LRRC7: variants seen among roughly 807,000 people sequenced by gnomAD.
LRRC7 encodes the protein leucine rich repeat containing 7, also known as leucine-rich repeat-containing protein 7.
In LRRC7, 23 loss-of-function variants were observed where a neutral mutation model predicts 175.7. The ratio of observed to expected loss-of-function variants is 0.13; its 90% CI spans 0.09 to 0.19. The LOEUF (loss-of-function observed/expected upper bound fraction) is 0.19. Among genes scored for constraint, LRRC7 ranks in the 10% least tolerant of loss-of-function variants. The pLI, the probability that LRRC7 is intolerant of heterozygous loss-of-function variation, is 1.00. For synonymous variants in LRRC7, 685 were observed against 680.9 expected (o/e 1.01, Z -0.09); for missense variants, 1,354 against 1,904.7 (o/e 0.71, Z 5.38).
intron 3 of LRRC7, among the ~76,000 whole-genome samples, chr1:69,771,966 C>CA: frequency 1.3e-5 from 2 of 151,824 alleles, no homozygotes; most frequent in Middle Eastern, 6.8e-3. Flanking sequence ...CCTAAAAATA[C>CA]AAAAAATTAG....
chr1:69,748,267 A>T (rs1292897114), intron 2 of LRRC7, among the ~76,000 whole-genome samples: 1 of 152,170 alleles, frequency 6.6e-6, no homozygotes, highest in Admixed American at 6.6e-5. Context: ...ATAAAACAGC[A>T]TGAAATAACA....
At chr1:69,862,827 C>G (rs1458103102) in intron 7 of LRRC7, among the ~76,000 whole-genome samples, 1 of 151,790 alleles carries the variant, frequency 6.6e-6, no homozygotes, top group African/African-American at 2.4e-5. Flanking sequence ...CTCCCTTAGA[C>G]CCCCCACCCC....
chr1:70,037,961 TATG>T, intron 20 of LRRC7, 149 bp from the exon 21 acceptor site: 1 of 1,098,074 alleles, frequency 9.1e-7, no homozygotes. Flanking sequence ...ATTTTTAAAA[TATG>T]AAATAATAAT....
intron 4 of LRRC7, among the ~76,000 whole-genome samples, chr1:69,822,402 T>C (rs1679400320): frequency 6.6e-6 from 1 of 152,184 alleles, no homozygotes. Context: ...GAATCAGTTA[T>C]GGTGGTCCAC....
At chr1:69,623,256 A>G (rs536825651) in intron 1 of LRRC7, among the ~76,000 whole-genome samples, 1 of 152,186 alleles carries the variant, frequency 6.6e-6, no homozygotes, top group Non-Finnish European at 1.5e-5. Context: ...ATTGACTTAA[A>G]TCAATACCTT....
chr1:69,635,009 G>A (rs537025016), intron 1 of LRRC7, among the ~76,000 whole-genome samples: 16 of 152,136 alleles, frequency 1.1e-4, no homozygotes, highest in African/African-American at 2.2e-4. Flanking sequence ...GTTGTGTTAC[G>A]GGGGTTTGTT....
chr1:70,021,165 C>G, intron 16 of LRRC7, 36 bp downstream of exon 16: 9 of 1,589,522 alleles, frequency 5.7e-6, no homozygotes, highest in Non-Finnish European at 6.0e-6. Flanking sequence ...CTTTCTTCTC[C>G]TTATCTTTTT....
intron 6 of LRRC7, 86 bp downstream of exon 6, chr1:69,834,955 G>A (rs1680940097): frequency 1.0e-6 from 1 of 999,546 alleles, no homozygotes; most frequent in South Asian, 1.4e-5. Flanking sequence ...CTTCAAAAGT[G>A]TCAGTTGTGA....
intron 24 of LRRC7, among the ~76,000 whole-genome samples, chr1:70,084,564 G>T (rs1663461688): frequency 6.6e-6 from 1 of 152,136 alleles, no homozygotes; most frequent in Non-Finnish European, 1.5e-5. Flanking sequence ...ATGGTTGATG[G>T]ACATTTGGGT....
intron 1 of LRRC7, among the ~76,000 whole-genome samples, chr1:69,625,984 T>C (rs1351681210): frequency 6.7e-6 from 1 of 149,890 alleles, no homozygotes; most frequent in Non-Finnish European, 1.5e-5. Flanking sequence ...TCCTATATTC[T>C]TACTAATTTT....
rs925358981 is a variant in LRRC7, at chr1:70,128,427, A to G, written c.*6540A>G. ...TTATTTTTTTTCCTTCTTTAAAATA[A>G]CAGGTTGAATAAGCAGCCTAACAAA... On this transcript the variant is annotated 3_prime_UTR_variant, in exon 27 of 27. Transcript: ENST00000651989. 6.6e-6 allele frequency: 1 copy of G among 152,160 alleles called. No homozygotes were observed. Among genetic ancestry groups the G allele is most frequent in the East Asian group, 1.9e-4 (1 of 5,200 alleles). 9.4% of individuals were successfully genotyped at this position (152,160 alleles called of 1,614,324 possible).
rs1351205387 is a variant in LRRC7 at position 69,657,366 on chromosome 1, CATT to C, written c.3-21013_3-21011del. ...TTTGCATAGATGATTTCATGCAAAACATTAGCAGTGCTTCAAGATATTTATTAT... is the reference window on the plus strand; with the variant it reads ...TTTGCATAGATGATTTCATGCAAAACAGCAGTGCTTCAAGATATTTATTAT... On this transcript the variant is annotated intron_variant, in intron 1 of 26. Transcript: ENST00000651989. 2.0e-5 allele frequency among the ~76,000 whole-genome samples: 3 copies of C among 151,796 alleles called. No homozygotes were observed. The East Asian group carries it at 5.8e-4, about 29-fold the overall frequency.
At chr1:69,870,378 C>A (rs1685401441) in intron 7 of LRRC7, among the ~76,000 whole-genome samples, 1 of 151,970 alleles carries the variant, frequency 6.6e-6, no homozygotes, top group African/African-American at 2.4e-5. Flanking sequence ...TTTAGCAAAC[C>A]AGGTCCTTCA....
At chr1:69,940,685 G>A (rs1490188417) in intron 8 of LRRC7, among the ~76,000 whole-genome samples, 2 of 151,986 alleles carry the variant, frequency 1.3e-5, no homozygotes, top group Non-Finnish European at 2.9e-5. Context: ...CAAGCAAGGA[G>A]TAAACCCTAT....
chr1:70,021,350 A>G (rs1319624160), intron 16 of LRRC7: 2 of 389,076 alleles, frequency 5.1e-6, no homozygotes, highest in Admixed American at 4.1e-5. Flanking sequence ...CACTTCATCC[A>G]ACAGAATAAC....
At chr1:69,912,176 T>G (rs879888595) in intron 7 of LRRC7, among the ~76,000 whole-genome samples, 5 of 152,076 alleles carry the variant, frequency 3.3e-5, no homozygotes, top group Non-Finnish European at 5.9e-5. Context: ...TACATAAATA[T>G]TAATACTCAG....
chr1:69,986,409 C>G (rs1405111066), intron 10 of LRRC7, 23 bp downstream of exon 10: 2 of 1,590,908 alleles, frequency 1.3e-6, no homozygotes, highest in African/African-American at 2.7e-5. Context: ...TATTTTGTCA[C>G]AAATATTTAT....
intron 2 of LRRC7, among the ~76,000 whole-genome samples, chr1:69,743,959 C>A (rs1668988945): frequency 6.6e-6 from 1 of 151,606 alleles, no homozygotes. Context: ...TGGAAAATTT[C>A]TCTAAAATGC....
At chr1:69,658,537 G>T (rs1210114359) in intron 1 of LRRC7, among the ~76,000 whole-genome samples, 9 of 151,968 alleles carry the variant, frequency 5.9e-5, no homozygotes, top group Non-Finnish European at 7.4e-5. Flanking sequence ...TAGAACTTCA[G>T]CTCCTGTTTT....
Sources: gnomAD v4.1 joint callset for allele counts (sites outside exome capture counted in the v4.1 genomes callset) on GRCh38, gnomAD v4.1.1 for gene constraint, MANE v1.5 for transcripts, NCBI Gene and HGNC (gene_info 2026-07-23, HGNC 2026-07-21) for gene names.